Variants in MLPH observed in about 807,000 individuals in gnomAD.
MLPH encodes melanophilin, also known as exophilin-3.
MLPH carries 51 observed loss-of-function variants against 72.1 expected under a neutral mutation model. That is an observed-to-expected ratio of 0.71 (90% CI 0.56 to 0.89). MLPH has a LOEUF of 0.89. MLPH is among the 40% of genes least tolerant of loss of function. The probability of loss-of-function intolerance (pLI) is 0.00; values close to 1 mark genes in which losing one functional copy is unlikely to be tolerated. For missense variants in MLPH, 743 were observed against 759.9 expected, an observed-to-expected ratio of 0.98 and a Z score of 0.26; for synonymous variants, 301 against 310.1, an observed-to-expected ratio of 0.97 and a Z score of 0.31.
Position 237,518,552 on chromosome 2 carries a change from G to A in MLPH, c.459G>A (p.Leu153=), listed in dbSNP as rs958098204. 1 of 1,613,276 alleles carries A rather than the reference G, an allele frequency of 6.2e-7. No individual in the cohort carries two copies. Among genetic ancestry groups the A allele is most frequent in the Admixed American group, 1.7e-5 (1 of 59,896 alleles). ...TATCTATTGCAGCTGGGCCTGAACT[G>A]ATATCTGAAGAGAGAAGTGGAGACA... is the stretch of plus-strand genomic sequence containing the variant. The part of the protein sequence containing the change: ...GRLQGGAGPE[L]ISEERSGDSD... The change falls in exon 5 of 16, where the codon CTG becomes CTA. Residue 153 remains leucine (L), a synonymous_variant. Transcript: ENST00000264605.
At chr2:237,506,722 G>C (rs1278666769) in intron 2 of MLPH, among the ~76,000 whole-genome samples, 1 of 152,168 alleles carries the variant, frequency 6.6e-6, no homozygotes, top group Non-Finnish European at 1.5e-5. Flanking sequence ...AGGGTGTGGC[G>C]CTGGGCTGTC....
intron 2 of MLPH, among the ~76,000 whole-genome samples, chr2:237,498,828 T>C (rs909578713): frequency 3.0e-4 from 46 of 152,204 alleles, no homozygotes; most frequent in African/African-American, 1.1e-3. Flanking sequence ...CTTGAAGATG[T>C]ACAAAATTAG....
At chr2:237,503,193 A>C (rs938714882) in intron 2 of MLPH, among the ~76,000 whole-genome samples, 4 of 152,138 alleles carry the variant, frequency 2.6e-5, no homozygotes, top group Non-Finnish European at 4.4e-5. Context: ...CCTTAGCCGG[A>C]CTAGTTGGAA....
intron 5 of MLPH, 101 bp downstream of exon 5, chr2:237,518,749 A>C (rs2080109261): frequency 1.2e-6 from 1 of 851,166 alleles, no homozygotes. Context: ...GCCTCTCCAC[A>C]ACTCCACTAG....
At position 237,493,402 on chromosome 2, in the gene MLPH, G is replaced by C; in HGVS notation, c.-24-1G>C. On this transcript the variant is annotated splice_acceptor_variant, in intron 1 of 15. Transcript: ENST00000264605. LOFTEE classifies it low-confidence loss of function (5UTR_SPLICE). ...TGACTTGTGATCCTGTGACATTCCA[G>C]GTGTGACCCCGACAAGAAGCAGAAA... 1 of 1,585,518 alleles carries C rather than the reference G, an allele frequency of 6.3e-7. No homozygotes were observed. Among genetic ancestry groups the C allele is most frequent in the Non-Finnish European group, 8.7e-7 (1 of 1,154,188 alleles).
intron 2 of MLPH, among the ~76,000 whole-genome samples, chr2:237,506,151 TTC>T (rs2079766455): frequency 6.6e-6 from 1 of 152,254 alleles, no homozygotes; most frequent in Admixed American, 6.5e-5. Flanking sequence ...AAGAGTTTTA[TTC>T]ATATGGGTCA....
At position 237,518,587 on chromosome 2, in the gene MLPH, C is replaced by T. The variant is rs375935125; in HGVS notation, c.494C>T (p.Thr165Ile). 3 of 1,613,792 alleles carry T rather than the reference C, an allele frequency of 1.9e-6. No individual in the cohort carries two copies. Among genetic ancestry groups the T allele is most frequent in the Non-Finnish European group, 2.5e-6 (3 of 1,179,934 alleles). Reference sequence around the variant, plus strand: ...GAGAGAAGTGGAGACAGCGACCAGACAGATGAGGATGGAGAACCTGGCTCA... The same window carrying T: ...GAGAGAAGTGGAGACAGCGACCAGATAGATGAGGATGGAGAACCTGGCTCA... ...SEERSGDSDQ[T>I]DEDGEPGSEA... is the part of the protein sequence containing the mutation. The change falls in exon 5 of 16, where the codon ACA (threonine) becomes ATA (isoleucine). Residue 165 changes from threonine to isoleucine, a missense_variant. Thr to Ile is a moderately conservative substitution (Grantham distance 89). Coordinates refer to ENST00000264605, the MANE Select transcript of MLPH (RefSeq NM_024101.7).
At chr2:237,490,593 G>A (rs550834861) in intron 1 of MLPH, among the ~76,000 whole-genome samples, 1 of 152,316 alleles carries the variant, frequency 6.6e-6, no homozygotes, top group South Asian at 2.1e-4. Flanking sequence ...TAGGAGAAGA[G>A]AGGGAATGAT....
Position 237,541,022 on chromosome 2 carries a change from T to G in MLPH, c.1446+65T>G. The G allele has an allele frequency of 6.5e-7, 1 of 1,541,522 alleles. No individual in the cohort carries two copies. On this transcript the variant is annotated intron_variant, in intron 11 of 15. Coordinates refer to ENST00000264605, the MANE Select transcript of MLPH (RefSeq NM_024101.7). This position sits in a 1 kb window ranked among gnomAD's most constrained non-coding sequence, Gnocchi z 5.1. ...CACAGATGGTGACCACACCCAGGCC[T>G]TGAACATCTGCCAGCTCTAACATCC...
chr2:237,511,027 A>T lies in MLPH; in HGVS notation c.371A>T (p.His124Leu), dbSNP rs372594908. Residue 124 changes from histidine to leucine, a missense_variant, in exon 4 of 16, where the codon CAT becomes CTT. His to Leu is a moderately conservative substitution (Grantham distance 99, BLOSUM62 -3). Coordinates refer to ENST00000264605, the MANE Select transcript of MLPH (RefSeq NM_024101.7). ...KIGSLEWYYE[H>L]VKARFKRFGS... ...GGCTCACTGGAGTGGTACTATGAGC[A>T]TGTGAAAGCCCGCTTCAAGAGGTTC... is the stretch of plus-strand genomic sequence containing the variant. 3 of 1,613,930 alleles carry T rather than the reference A, an allele frequency of 1.9e-6. No homozygotes were observed. The East Asian group carries it at 6.7e-5, about 36-fold the overall frequency.
chr2:237,525,999 G>A (rs926642096), intron 7 of MLPH, among the ~76,000 whole-genome samples, 194 bp downstream of exon 7: 4 of 152,220 alleles, frequency 2.6e-5, no homozygotes, highest in African/African-American at 4.8e-5. Context: ...CGGGATGTGC[G>A]CTTCCCTGTA....
At chr2:237,493,584 C>T in intron 2 of MLPH, 48 bp downstream of exon 2, 1 of 1,446,244 alleles carries the variant, frequency 6.9e-7, no homozygotes, top group Non-Finnish European at 9.7e-7. Flanking sequence ...CCTGATCTTC[C>T]CCCAGGGCCA....
At chr2:237,545,349 C>T (rs538724892) in intron 12 of MLPH, 1 of 944,746 alleles carries the variant, frequency 1.1e-6, no homozygotes, top group South Asian at 1.6e-5. Context: ...GGCCCCCCAC[C>T]TCCCTTCCCG....
chr2:237,525,738 C>G lies in MLPH; in HGVS notation c.813C>G (p.Gly271=). 1 of 1,614,026 alleles carries G rather than the reference C, an allele frequency of 6.2e-7. No individual in the cohort carries two copies. The highest frequency in any genetic ancestry group is 1.1e-5 in the South Asian group (1 of 91,082). ...QPTSISPSRH[G]ALAELCPPGG... ...CCAGCATCTCACCTTCCAGACACGG[C>G]GCCCTGGCTGAGCTCTGCCCGCCTG... is the stretch of plus-strand genomic sequence containing the variant. Residue 271 remains glycine (G), a synonymous_variant, in exon 7 of 16, where the codon GGC becomes GGG. Transcript: ENST00000264605.
chr2:237,545,308 A>T, intron 12 of MLPH: 1 of 548,228 alleles, frequency 1.8e-6, no homozygotes, highest in Non-Finnish European at 2.9e-6. Context: ...CACAGCACAC[A>T]CGCCACCGTG....
chr2:237,536,171 G>C (rs1192047861), intron 9 of MLPH, among the ~76,000 whole-genome samples: 4 of 152,190 alleles, frequency 2.6e-5, no homozygotes, highest in Admixed American at 2.0e-4. Context: ...ATGAGACCAA[G>C]TGGGAAGCAG....
intron 2 of MLPH, among the ~76,000 whole-genome samples, chr2:237,500,622 C>T (rs1249198217): frequency 6.6e-6 from 1 of 152,126 alleles, no homozygotes; most frequent in Non-Finnish European, 1.5e-5. Context: ...ACACTGCGGC[C>T]AAAGTGTTCC....
chr2:237,523,929 G>A (rs774247765), intron 6 of MLPH, among the ~76,000 whole-genome samples: 16 of 152,026 alleles, frequency 1.1e-4, no homozygotes, highest in East Asian at 7.7e-4. Context: ...AATATGGTTC[G>A]GCCTAGGGTT....
At chr2:237,503,556 GT>G (rs2079698772) in intron 2 of MLPH, among the ~76,000 whole-genome samples, 1 of 152,148 alleles carries the variant, frequency 6.6e-6, no homozygotes, top group South Asian at 2.1e-4. Flanking sequence ...CTGACGTGAG[GT>G]TTACTTTGGT....
Sources: gnomAD v4.1 joint callset for allele counts (sites outside exome capture counted in the v4.1 genomes callset) on GRCh38, gnomAD v4.1.1 for gene constraint, Gnocchi (gnomAD v3.1) non-coding constraint, MANE v1.5 for transcripts, NCBI Gene and HGNC (gene_info 2026-07-23, HGNC 2026-07-21) for gene names.